HRH2: variants seen among roughly 807,000 people sequenced by gnomAD.
HRH2 encodes histamine H2 receptor.
In HRH2, 4 loss-of-function variants were observed where a neutral mutation model predicts 20.1. The observed-to-expected ratio is 0.20, with a 90% CI of 0.10 to 0.45. The LOEUF (loss-of-function observed/expected upper bound fraction) is 0.45, where lower values mean the gene tolerates loss of function less well. Among genes scored for constraint, HRH2 ranks in the 20% least tolerant of loss-of-function variants. The pLI is 0.99. For missense variants in HRH2, 250 were observed against 461.6 expected (o/e 0.54, Z 4.20); for synonymous variants, 197 against 200.7 (o/e 0.98, Z 0.16).
intron 1 of HRH2, among the ~76,000 whole-genome samples, chr5:175,664,049 G>A (rs1031581498): frequency 2.6e-5 from 4 of 152,170 alleles, no homozygotes; most frequent in African/African-American, 4.8e-5. Flanking sequence ...AGTTGGTCAC[G>A]GACTAGAGCA....
Position 175,681,538 on chromosome 5 carries a change from G to A in HRH2, c.-525-1171G>A, listed in dbSNP as rs1755972758. ...GGGGCGTGGAACAGGGCCTCAGCTT[G>A]TTTCTCGCCAGTTGGAATCATATAC... On this transcript the variant is annotated intron_variant, in intron 1 of 2. Coordinates refer to ENST00000636584, the MANE Select transcript of HRH2 (RefSeq NM_001367711.1). The surrounding 1 kb of genome is among the most constrained non-coding windows in gnomAD (Gnocchi z 4.3). 6.6e-6 allele frequency among the ~76,000 whole-genome samples: 1 copy of A among 152,206 alleles called. No individual in the cohort carries two copies. The highest frequency in any genetic ancestry group is 1.5e-5 in the Non-Finnish European group (1 of 68,040).
At position 175,681,356 on chromosome 5, in the gene HRH2, TC is replaced by T. The variant is rs1212456225; in HGVS notation, c.-525-1351del. On this transcript the variant is annotated intron_variant, in intron 1 of 2. Coordinates refer to ENST00000636584, the MANE Select transcript of HRH2 (RefSeq NM_001367711.1). The surrounding 1 kb of genome is among the most constrained non-coding windows in gnomAD (Gnocchi z 4.3). Reference sequence around the variant, plus strand: ...TTCTCATATTCAGGTTGCAAACCGCTCCAGGCAAGAGCCTGGGAGAGGCTTA... The same window carrying T: ...TTCTCATATTCAGGTTGCAAACCGCTCAGGCAAGAGCCTGGGAGAGGCTTA... 1.3e-5 allele frequency among the ~76,000 whole-genome samples: 2 copies of T among 152,212 alleles called. No homozygotes were observed. Among genetic ancestry groups the T allele is most frequent in the Non-Finnish European group, 2.9e-5 (2 of 68,048 alleles).
rs1402255449 is a variant in HRH2, at chr5:175,684,411, GT to G, written c.1076+104del. The G allele has an allele frequency of 4.0e-6, 6 of 1,499,084 alleles. No homozygotes were observed. In the African/African-American group the frequency reaches 8.4e-5, roughly 21 times the overall value. The allele number at this position is 1,499,084 out of a possible 1,614,324, so 92.9% of individuals were successfully genotyped here. On this transcript the variant is annotated intron_variant, in intron 2 of 2. Coordinates refer to ENST00000636584, the MANE Select transcript of HRH2 (RefSeq NM_001367711.1). ...TGCTGTTTAGGTGGTGCTGGTTTAT[GT>G]TCTAGGAACTCTTCATGAGCACTTT... is the stretch of plus-strand genomic sequence containing the variant.
chr5:175,685,616 C>A, intron 2 of HRH2: 1 of 731,022 alleles, frequency 1.4e-6, no homozygotes, highest in Non-Finnish European at 2.4e-6. Context: ...CTCAGCTCTG[C>A]CGTCACTCAA....
At chr5:175,700,878 ACT>A (rs913154566) in intron 2 of HRH2, among the ~76,000 whole-genome samples, 5 of 152,106 alleles carry the variant, frequency 3.3e-5, no homozygotes, top group African/African-American at 1.2e-4. Context: ...ACAGAGCAAG[ACT>A]CTGTCTCAAA....
intron 1 of HRH2, among the ~76,000 whole-genome samples, chr5:175,676,119 GT>G (rs1755750815): frequency 6.6e-6 from 1 of 152,230 alleles, no homozygotes; most frequent in South Asian, 2.1e-4. Context: ...GTTCTGTCAC[GT>G]GCACGTTTAC....
chr5:175,694,596 C>T (rs774465836), intron 2 of HRH2, among the ~76,000 whole-genome samples: 3 of 152,140 alleles, frequency 2.0e-5, no homozygotes, highest in Admixed American at 1.3e-4. Flanking sequence ...GTAGGCTCTG[C>T]GAGATTTTGA....
intron 1 of HRH2, among the ~76,000 whole-genome samples, chr5:175,667,943 G>A (rs1159729072): frequency 3.9e-5 from 6 of 152,182 alleles, no homozygotes; most frequent in African/African-American, 9.7e-5. Flanking sequence ...AAGTGGTGGC[G>A]GGGATGCAAG....
intron 2 of HRH2, among the ~76,000 whole-genome samples, chr5:175,689,804 A>C (rs1381746792): frequency 6.6e-6 from 1 of 152,226 alleles, no homozygotes; most frequent in African/African-American, 2.4e-5. Context: ...TAGCACAGAC[A>C]GCAAGCTTCT....
intron 2 of HRH2, among the ~76,000 whole-genome samples, chr5:175,684,866 A>C (rs573959691): frequency 2.0e-5 from 3 of 152,270 alleles, no homozygotes; most frequent in African/African-American, 7.2e-5. Context: ...TGGGGCCTTG[A>C]AGGCGGCTGA....
chr5:175,701,169 G>A (rs1036381096), intron 2 of HRH2, among the ~76,000 whole-genome samples: 26 of 152,140 alleles, frequency 1.7e-4, no homozygotes, highest in Middle Eastern at 3.2e-3. Context: ...GGCTCAGAGC[G>A]GGGCTGAGCA....
intron 1 of HRH2, among the ~76,000 whole-genome samples, chr5:175,664,641 G>T (rs933168008): frequency 1.3e-5 from 2 of 152,084 alleles, no homozygotes; most frequent in Non-Finnish European, 2.9e-5. Flanking sequence ...CCTGTAGGCA[G>T]TGGGAGCCAC....
intron 2 of HRH2, among the ~76,000 whole-genome samples, chr5:175,700,431 A>T (rs1034522190): frequency 1.3e-5 from 2 of 152,246 alleles, no homozygotes; most frequent in African/African-American, 2.4e-5. Context: ...GCCTGCCTTT[A>T]TGACACTCCT....
intron 1 of HRH2, among the ~76,000 whole-genome samples, chr5:175,662,850 G>A (rs1365640853): frequency 6.6e-6 from 1 of 152,062 alleles, no homozygotes; most frequent in African/African-American, 2.4e-5. Context: ...CCCACTCAAG[G>A]CTCAGCAACC....
chr5:175,668,524 G>A (rs2113482996), intron 1 of HRH2, among the ~76,000 whole-genome samples: 1 of 152,254 alleles, frequency 6.6e-6, no homozygotes, highest in South Asian at 2.1e-4. Context: ...TACAAGTAAG[G>A]GAAATTGAGG....
chr5:175,699,639 C>A (rs886775119), intron 2 of HRH2, among the ~76,000 whole-genome samples: 20 of 152,216 alleles, frequency 1.3e-4, no homozygotes, highest in Non-Finnish European at 2.6e-4. Flanking sequence ...AGTGGCGTGA[C>A]CTCGGCTCAC....
chr5:175,686,372 A>G lies in HRH2; in HGVS notation c.1076+2063A>G, dbSNP rs1275825572. The stretch of plus-strand genomic sequence containing the variant: ...AACTTATTCATTCAATAAGCACTTA[A>G]CAACAATAGCTAACATTCATTGAGC... On this transcript the variant is annotated intron_variant, in intron 2 of 2. Transcript: ENST00000636584. The surrounding 1 kb of genome is among the most constrained non-coding windows in gnomAD (Gnocchi z 4.7). 6.6e-6 allele frequency: 1 copy of G among 152,238 alleles called. No homozygotes were observed. Among genetic ancestry groups the G allele is most frequent in the African/African-American group, 2.4e-5 (1 of 41,472 alleles). The allele number at this position is 152,238 out of a possible 1,614,324, so 9.4% of individuals were successfully genotyped here.
At chr5:175,665,246 C>G (rs1298017087) in intron 1 of HRH2, among the ~76,000 whole-genome samples, 1 of 152,158 alleles carries the variant, frequency 6.6e-6, no homozygotes, top group East Asian at 1.9e-4. Flanking sequence ...TCCCGGGGTT[C>G]CTGCTACGAC....
chr5:175,679,163 A>T (rs1755868163), intron 1 of HRH2, among the ~76,000 whole-genome samples: 1 of 152,184 alleles, frequency 6.6e-6, no homozygotes, highest in African/African-American at 2.4e-5. Flanking sequence ...AGAAGAGAAA[A>T]GTGGTATTTT....
Sources: allele counts gnomAD v4.1 joint callset (sites outside exome capture counted in the v4.1 genomes callset), GRCh38; gene constraint gnomAD v4.1.1; non-coding constraint Gnocchi (gnomAD v3.1); transcripts MANE v1.5; gene names NCBI Gene and HGNC (gene_info 2026-07-23, HGNC 2026-07-21).